SI: variants seen among roughly 807,000 people sequenced by gnomAD.
SI encodes the protein sucrase-isomaltase.
Under a neutral mutation model 253.3 loss-of-function variants are expected in SI, and 235 were observed. The ratio of observed to expected loss-of-function variants is 0.93; its 90% CI spans 0.83 to 1.03. SI has a LOEUF of 1.03. Among genes scored for constraint, SI ranks in the 50% least tolerant of loss-of-function variants. The pLI, the probability that SI is intolerant of heterozygous loss-of-function variation, is 0.00. For missense variants in SI, 2,442 were observed against 2,211.1 expected (o/e 1.10, Z -2.09); for synonymous variants, 819 against 712.0 (o/e 1.15, Z -2.39).
chr3:165,046,739 T>G (rs555199292), intron 16 of SI, 102 bp downstream of exon 16: 14 of 962,622 alleles, frequency 1.5e-5, no homozygotes, highest in Non-Finnish European at 2.2e-5. Flanking sequence ...GAATTATTTC[T>G]GTAACATGCC....
Position 165,065,360 on chromosome 3 carries a change from A to G in SI, c.708T>C (p.Asp236=). ...YLQISTRLPS[D]YIYGIGEQVH... ...CTTGTTCTCCAATACCATAAATATAATCACTTGGAAGACGGGTTGAGATCT... is the reference window on the plus strand; with the variant it reads ...CTTGTTCTCCAATACCATAAATATAGTCACTTGGAAGACGGGTTGAGATCT... The change falls in exon 7 of 48, where the codon GAT becomes GAC. Residue 236 remains aspartate (D), a synonymous_variant. Coordinates refer to ENST00000264382, the MANE Select transcript of SI (RefSeq NM_001041.4). 1 of 1,592,604 alleles carries G rather than the reference A, an allele frequency of 6.3e-7. No individual in the cohort carries two copies. The highest frequency in any genetic ancestry group is 1.3e-5 in the African/African-American group (1 of 74,194).
intron 33 of SI, among the ~76,000 whole-genome samples, chr3:165,013,273 C>A (rs1718855573): frequency 6.6e-6 from 1 of 152,052 alleles, no homozygotes; most frequent in Non-Finnish European, 1.5e-5. Context: ...CATTGCCAAC[C>A]TTTATGGTAG....
intron 28 of SI, 151 bp from the exon 29 acceptor site, chr3:165,018,217 G>C (rs1719135858): frequency 1.6e-6 from 1 of 611,738 alleles, no homozygotes; most frequent in Non-Finnish European, 2.9e-6. Flanking sequence ...AAATAAATGT[G>C]TCTCCCTAGA....
rs11452619 is a variant in SI at position 165,030,877 on chromosome 3, C to CAAA, written c.2737-13_2737-11dup. On this transcript the variant is annotated splice_polypyrimidine_tract_variant and intron_variant, in intron 24 of 47. Coordinates refer to ENST00000264382, the MANE Select transcript of SI (RefSeq NM_001041.4). ...CTGCAATTAGGAGAACCTTTGAAGA[C>CAAA]AAAAAAAAAAAAAGAAAAAAAGAAA... The CAAA allele has an allele frequency of 4.5e-4, 552 of 1,218,784 alleles. No individual in the cohort carries two copies. The highest frequency in any genetic ancestry group is 2.1e-3 in the African/African-American group (108 of 51,508). The allele number at this position is 1,218,784 out of a possible 1,614,324, so 75.5% of individuals were successfully genotyped here.
At chr3:165,085,769 T>A in the SI span, among the ~76,000 whole-genome samples, 2 of 152,294 alleles carry the variant, frequency 1.3e-5, no homozygotes, top group Admixed American at 6.5e-5. Flanking sequence ...AATGAGAGAA[T>A]CAGCCATTGT....
In SI at chr3:165,075,939, A is replaced by T; in HGVS notation, c.74T>A (p.Ile25Asn). 6.3e-7 allele frequency: 1 copy of T among 1,599,982 alleles called. No individual in the cohort carries two copies. The highest frequency in any genetic ancestry group is 2.2e-5 in the East Asian group (1 of 44,580). The change falls in exon 2 of 48, where the codon ATT (isoleucine) becomes AAT (asparagine). Residue 25 changes from isoleucine to asparagine, a missense_variant. By Grantham distance (149) the Ile-to-Asn change is moderately radical (BLOSUM62 -3). Coordinates refer to ENST00000264382, the MANE Select transcript of SI (RefSeq NM_001041.4). ...VLFVIVTIIAIALIVVLATKT... is the reference protein window; with the variant it reads ...VLFVIVTIIANALIVVLATKT... The stretch of plus-strand genomic sequence containing the variant: ...AGTTGCTAAAACAACAATTAAGGCA[A>T]TAGCTATTATAGTAACTATGACAAA...
At chr3:164,988,521 C>T (rs1559977557) in intron 44 of SI, among the ~76,000 whole-genome samples, 1 of 152,124 alleles carries the variant, frequency 6.6e-6, no homozygotes, top group Non-Finnish European at 1.5e-5. Context: ...TGGTCTCCTC[C>T]ATGAAGCCCT....
chr3:165,031,983 G>A (rs1451176884), intron 24 of SI, among the ~76,000 whole-genome samples: 2 of 150,900 alleles, frequency 1.3e-5, no homozygotes, highest in Non-Finnish European at 3.0e-5. Context: ...TACTACAACT[G>A]TAAAAAGAGA....
At chr3:165,036,669 A>T in intron 21 of SI, among the ~76,000 whole-genome samples, 192 bp from the exon 22 acceptor site, 1 of 152,008 alleles carries the variant, frequency 6.6e-6, no homozygotes, top group East Asian at 1.9e-4. Context: ...ATACCGAAAT[A>T]ATTTATACAT....
intron 46 of SI, 149 bp downstream of exon 46, chr3:164,982,853 G>A: frequency 1.6e-6 from 1 of 644,412 alleles, no homozygotes; most frequent in Non-Finnish European, 2.6e-6. Flanking sequence ...GTCCCATTAT[G>A]TTGCCCAGAC....
chr3:165,031,140 G>T (rs1265371027), intron 24 of SI, among the ~76,000 whole-genome samples: 1 of 149,008 alleles, frequency 6.7e-6, no homozygotes, highest in African/African-American at 2.4e-5. Flanking sequence ...GTCTATAATT[G>T]GGATTTCAAA....
At chr3:165,068,699 T>A in intron 5 of SI, 23 bp downstream of exon 5, 1 of 1,553,512 alleles carries the variant, frequency 6.4e-7, no homozygotes, top group African/African-American at 1.4e-5. Context: ...GTATTAAATC[T>A]TTGGAAACCT....
intron 34 of SI, among the ~76,000 whole-genome samples, 169 bp downstream of exon 34, chr3:165,012,811 G>A (rs763037310): frequency 3.3e-5 from 5 of 152,076 alleles, no homozygotes; most frequent in Non-Finnish European, 7.4e-5. Flanking sequence ...CTGGTACTTT[G>A]TTATTTAGGA....
In SI at chr3:165,059,065, T is replaced by C. The variant is rs1364501529; in HGVS notation, c.1296A>G (p.Ile432Met). The change falls in exon 12 of 48, where the codon ATA becomes ATG. Residue 432 changes from isoleucine to methionine, a missense_variant. Transcript: ENST00000264382. ...ATGTTGTTCCATTGGCACGTCGACC[T>C]ATGGAAATTGCAGGGTCCTAATAAT... ...YVIILDPAISIGRRANGTTYA... is the reference protein window; with the variant it reads ...YVIILDPAISMGRRANGTTYA... 6.2e-7 allele frequency: 1 copy of C among 1,612,546 alleles called. No individual in the cohort carries two copies. Among genetic ancestry groups the C allele is most frequent in the Admixed American group, 1.7e-5 (1 of 59,742 alleles).
intron 19 of SI, 116 bp from the exon 20 acceptor site, chr3:165,039,250 A>T: frequency 1.5e-6 from 1 of 674,346 alleles, no homozygotes; most frequent in South Asian, 1.7e-5. Flanking sequence ...GTTACACTCC[A>T]ATATTTCCTA....
At chr3:165,033,470 T>C in intron 22 of SI, 26 bp from the exon 23 acceptor site, 1 of 1,498,332 alleles carries the variant, frequency 6.7e-7, no homozygotes, top group East Asian at 2.4e-5. Context: ...TCGTGATCAG[T>C]ACAAAATGCA....
chr3:165,021,673 T>A (rs945998493), intron 26 of SI, among the ~76,000 whole-genome samples: 21 of 151,690 alleles, frequency 1.4e-4, no homozygotes, highest in African/African-American at 5.1e-4. Flanking sequence ...AATATTCTGT[T>A]GTATGGGTAT....
chr3:165,088,884 G>A, the SI span, among the ~76,000 whole-genome samples: 1 of 151,366 alleles, frequency 6.6e-6, no homozygotes, highest in Non-Finnish European at 1.5e-5. Context: ...ACTATGATTT[G>A]GATTCAGTTT....
chr3:165,073,019 C>T (rs893893915), intron 3 of SI, among the ~76,000 whole-genome samples: 6 of 152,180 alleles, frequency 3.9e-5, no homozygotes, highest in African/African-American at 1.4e-4. Context: ...ACACTGAAAA[C>T]ATTCTTCAGC....
Sources: allele counts gnomAD v4.1 joint callset (sites outside exome capture counted in the v4.1 genomes callset), GRCh38; gene constraint gnomAD v4.1.1; transcripts MANE v1.5; gene names NCBI Gene and HGNC (gene_info 2026-07-23, HGNC 2026-07-21).